SPATA6L: variants seen among roughly 807,000 people sequenced by gnomAD.
The protein encoded by SPATA6L is spermatogenesis associated 6 like, also known as spermatogenesis associated 6-like protein.
SPATA6L carries 68 observed loss-of-function variants against 49.2 expected under a neutral mutation model. The ratio of observed to expected loss-of-function variants is 1.38; its 90% CI spans 1.14 to 1.69. SPATA6L has a LOEUF of 1.69. Ranked by LOEUF, SPATA6L falls within the 40% of genes most tolerant of loss-of-function variation. SPATA6L has a pLI of 0.00. For synonymous variants in SPATA6L, 198 were observed against 165.7 expected (o/e 1.19, Z -1.50); for missense variants, 668 against 464.3 (o/e 1.44, Z -4.03).
At chr9:4,624,007 C>T (rs1296483740) in intron 6 of SPATA6L, among the ~76,000 whole-genome samples, 1 of 152,192 alleles carries the variant, frequency 6.6e-6, no homozygotes, top group Non-Finnish European at 1.5e-5. Context: ...GTTTTACCTA[C>T]AAACCAACTC....
At chr9:4,604,140 G>A (rs1204537254) in intron 11 of SPATA6L, 39 bp downstream of exon 11, 2 of 1,362,072 alleles carry the variant, frequency 1.5e-6, no homozygotes, top group East Asian at 4.7e-5. Flanking sequence ...ACCAAGATAA[G>A]GAGAAGCACT....
At chr9:4,609,589 TCAA>T (rs1323405825) in intron 9 of SPATA6L, among the ~76,000 whole-genome samples, 1 of 151,716 alleles carries the variant, frequency 6.6e-6, no homozygotes, top group Non-Finnish European at 1.5e-5. Flanking sequence ...TTGACAAAAT[TCAA>T]CAACACTTCA....
chr9:4,662,391 A>C lies in SPATA6L; in HGVS notation c.40-355T>G. 1 of 1,530,766 alleles carries C rather than the reference A, an allele frequency of 6.5e-7. No individual in the cohort carries two copies. The highest frequency in any genetic ancestry group is 1.4e-5 in the African/African-American group (1 of 72,790). The allele number at this position is 1,530,766 out of a possible 1,614,324, so 94.8% of individuals were successfully genotyped here. The stretch of plus-strand genomic sequence containing the variant: ...GCCAGCTGCGATGCCAAGTCCCCGG[A>C]GGAGCATGGAGGGACGGCCGCTGGG... On this transcript the variant is annotated intron_variant, in intron 1 of 11. Transcript: ENST00000682582. This position sits in a 1 kb window ranked among gnomAD's most constrained non-coding sequence, Gnocchi z 4.9.
intron 3 of SPATA6L, among the ~76,000 whole-genome samples, chr9:4,655,438 G>GA (rs1229282947): frequency 2.6e-5 from 4 of 152,058 alleles, no homozygotes; most frequent in African/African-American, 9.7e-5. Context: ...TTTTTGTGGT[G>GA]ATAAAAATAT....
intron 3 of SPATA6L, among the ~76,000 whole-genome samples, chr9:4,649,215 C>T (rs1229797096): frequency 6.6e-6 from 1 of 152,104 alleles, no homozygotes; most frequent in Non-Finnish European, 1.5e-5. Context: ...ATAAAATGAC[C>T]TCTTTTCCTC....
intron 7 of SPATA6L, among the ~76,000 whole-genome samples, chr9:4,621,203 A>G (rs1829212321): frequency 6.6e-6 from 1 of 152,196 alleles, no homozygotes; most frequent in Admixed American, 6.5e-5. Context: ...GGAATGACTG[A>G]TCTTCACCGA....
Position 4,662,028 on chromosome 9 carries a change from GC to G in SPATA6L, c.47del (p.Cys16SerfsTer19). On this transcript the variant is annotated frameshift_variant, in exon 2 of 12. Coordinates refer to ENST00000682582, the MANE Select transcript of SPATA6L (RefSeq NM_001353486.2). LOFTEE classifies it high-confidence loss of function. The surrounding 1 kb of genome is among the most constrained non-coding windows in gnomAD (Gnocchi z 4.9). ...GTTTGCCAGGCAGGAACACTCCTGGGCAAGAAATCTTAAAAAGAAAGAAAAC... is the reference window on the plus strand; with the variant it reads ...GTTTGCCAGGCAGGAACACTCCTGGGAAGAAATCTTAAAAAGAAAGAAAAC... Reference protein sequence around the residue: ...VVELQIRAISCPGVFLPGKQD... With the variant: ...VVELQIRAISXPGVFLPGKQD... 1.2e-6 allele frequency: 2 copies of G among 1,613,330 alleles called. No individual in the cohort carries two copies. Among genetic ancestry groups the G allele is most frequent in the Non-Finnish European group, 1.7e-6 (2 of 1,179,772 alleles).
intron 1 of SPATA6L, chr9:4,663,437 AC>A: frequency 1.4e-6 from 1 of 697,562 alleles, no homozygotes; most frequent in Non-Finnish European, 2.4e-6. Context: ...ACTGGCCATT[AC>A]TGAACACAGC....
At chr9:4,644,941 A>G (rs301463) in intron 3 of SPATA6L, among the ~76,000 whole-genome samples, 95,736 of 151,998 alleles carry the variant, frequency 0.63, 32,125 homozygotes, top group African/African-American at 0.88. Flanking sequence ...GGGTCAGACT[A>G]CTAAATGTTT....
intron 9 of SPATA6L, among the ~76,000 whole-genome samples, chr9:4,606,238 G>T (rs1427645423): frequency 6.9e-6 from 1 of 145,282 alleles, no homozygotes; most frequent in Non-Finnish European, 1.5e-5. Context: ...GCCCGCCATT[G>T]CCCAGGCTTG....
At chr9:4,592,804 GT>G (rs1821994890) in intron 13 of SPATA6L, among the ~76,000 whole-genome samples, 1 of 152,158 alleles carries the variant, frequency 6.6e-6, no homozygotes, top group Admixed American at 6.6e-5. Flanking sequence ...AATAAAGAAG[GT>G]GAGAGGAAAC....
intron 9 of SPATA6L, among the ~76,000 whole-genome samples, chr9:4,610,211 G>A (rs895807148): frequency 6.6e-6 from 1 of 151,060 alleles, no homozygotes; most frequent in African/African-American, 2.4e-5. Context: ...CGTGAAAATG[G>A]CCATACTGCC....
rs1564096515 is a variant in SPATA6L at position 4,600,492 on chromosome 9, C to CAGAGA, written c.*318_*319insTCTCT. On this transcript the variant is annotated 3_prime_UTR_variant, in exon 12 of 12. Transcript: ENST00000682582. ...GAGAGACAGAGAGAGCCAGAGAGAG[C>CAGAGA]CAGAGAGAGAGAGAGGGGAAGTGTT... 5.6e-5 allele frequency: 1 copy of CAGAGA among 17,846 alleles called. No individual in the cohort carries two copies. The allele number at this position is 17,846 out of a possible 1,614,324, so 1.1% of individuals were successfully genotyped here.
chr9:4,648,391 A>C (rs891960731), intron 3 of SPATA6L, among the ~76,000 whole-genome samples: 1 of 152,012 alleles, frequency 6.6e-6, no homozygotes, highest in African/African-American at 2.4e-5. Flanking sequence ...TTATTGGGGA[A>C]TAGATGGTGT....
Position 4,662,366 on chromosome 9 carries a change from G to C in SPATA6L, c.40-330C>G. 6.7e-7 allele frequency: 1 copy of C among 1,498,226 alleles called. No individual in the cohort carries two copies. The highest frequency in any genetic ancestry group is 8.8e-7 in the Non-Finnish European group (1 of 1,131,674). 92.8% of individuals were successfully genotyped at this position (1,498,226 alleles called of 1,614,324 possible). The stretch of plus-strand genomic sequence containing the variant: ...CCGGCCAGGTCCCGGGATCCGGGCC[G>C]CCAGCTGCGATGCCAAGTCCCCGGA... On this transcript the variant is annotated intron_variant, in intron 1 of 11. Transcript: ENST00000682582. The surrounding 1 kb of genome is among the most constrained non-coding windows in gnomAD (Gnocchi z 4.9).
downstream of SPATA6L, among the ~76,000 whole-genome samples, chr9:4,596,774 C>T (rs116109066): frequency 1.2e-3 from 183 of 152,238 alleles, no homozygotes; most frequent in African/African-American, 4.3e-3. Flanking sequence ...ATCTGTGATG[C>T]CTCAGGGCCA....
At chr9:4,656,612 G>T (rs1032987234) in intron 2 of SPATA6L, among the ~76,000 whole-genome samples, 1 of 152,140 alleles carries the variant, frequency 6.6e-6, no homozygotes, top group Admixed American at 6.5e-5. Context: ...CTGATTAAAA[G>T]TTCAAAAAGT....
At position 4,651,145 on chromosome 9, in the gene SPATA6L, G is replaced by C. The variant is rs557382885; in HGVS notation, c.226+4896C>G. On this transcript the variant is annotated intron_variant, in intron 3 of 11. Transcript: ENST00000682582. ...AGCCTCCTGAGAAGCAAATACCACA[G>C]GCACATGCCACCACACCCCACTAAT... 2.0e-4 allele frequency among the ~76,000 whole-genome samples: 31 copies of C among 152,128 alleles called. 1 individual carries two copies. Among genetic ancestry groups the C allele is most frequent in the Admixed American group, 1.9e-3 (29 of 15,270 alleles).
chr9:4,657,770 G>A (rs900758306), intron 2 of SPATA6L, among the ~76,000 whole-genome samples: 1 of 152,164 alleles, frequency 6.6e-6, no homozygotes, highest in Non-Finnish European at 1.5e-5. Flanking sequence ...GGCAGTTTCT[G>A]ATAGGTAAAG....
Sources: gnomAD v4.1 joint callset for allele counts (sites outside exome capture counted in the v4.1 genomes callset) on GRCh38, gnomAD v4.1.1 for gene constraint, Gnocchi (gnomAD v3.1) non-coding constraint, MANE v1.5 for transcripts, NCBI Gene and HGNC (gene_info 2026-07-23, HGNC 2026-07-21) for gene names.